Variants in FOCAD observed in about 807,000 individuals in gnomAD.
FOCAD encodes KIAA1797.
Under a neutral mutation model 225.6 loss-of-function variants are expected in FOCAD, and 198 were observed. The ratio of observed to expected loss-of-function variants is 0.88; its 90% CI spans 0.78 to 0.99. The LOEUF (loss-of-function observed/expected upper bound fraction) is 0.99. Ranked by LOEUF, FOCAD falls within the 50% of genes least tolerant of loss-of-function variation. FOCAD has a pLI of 0.00. For missense variants in FOCAD, 2,713 were observed against 2,123.6 expected (o/e 1.28, Z -5.46); for synonymous variants, 897 against 755.0 (o/e 1.19, Z -3.08).
chr9:20,774,736 A>T (rs1466870882), intron 8 of FOCAD, among the ~76,000 whole-genome samples: 1 of 152,164 alleles, frequency 6.6e-6, no homozygotes, highest in Non-Finnish European at 1.5e-5. Flanking sequence ...TTTGATTATA[A>T]TGTAGAGTCA....
intron 10 of FOCAD, among the ~76,000 whole-genome samples, chr9:20,787,225 C>T (rs988949219): frequency 1.3e-5 from 2 of 152,192 alleles, no homozygotes. Context: ...ACTTGAGGTT[C>T]ATGGTAATTT....
intron 8 of FOCAD, among the ~76,000 whole-genome samples, chr9:20,770,725 C>A (rs1011877457): frequency 6.6e-5 from 10 of 152,178 alleles, no homozygotes; most frequent in Non-Finnish European, 1.2e-4. Flanking sequence ...CTGGGTGGAT[C>A]TGCTCATTTA....
intron 36 of FOCAD, among the ~76,000 whole-genome samples, chr9:20,977,385 C>T (rs547496041): frequency 5.6e-4 from 86 of 152,290 alleles, no homozygotes; most frequent in African/African-American, 2.0e-3. Flanking sequence ...ATTCTGCCTA[C>T]CACAGTTATT....
chr9:20,696,820 A>G (rs181364313), intron 1 of FOCAD, among the ~76,000 whole-genome samples: 19 of 151,958 alleles, frequency 1.3e-4, no homozygotes, highest in African/African-American at 4.3e-4. Context: ...TAATAATAAT[A>G]ATAATAATTA....
intron 25 of FOCAD, among the ~76,000 whole-genome samples, chr9:20,924,289 C>A (rs1834738890): frequency 6.6e-6 from 1 of 152,092 alleles, no homozygotes; most frequent in African/African-American, 2.4e-5. Flanking sequence ...TGGATTTATT[C>A]TTGTTTTAAG....
intron 28 of FOCAD, among the ~76,000 whole-genome samples, chr9:20,941,004 C>G (rs565594467): frequency 2.0e-3 from 303 of 152,104 alleles, no homozygotes; most frequent in Non-Finnish European, 3.7e-3. Flanking sequence ...TAACTAGACC[C>G]AGACCTGAAA....
chr9:20,663,692 A>G (rs1821808793), intron 2 of FOCAD, among the ~76,000 whole-genome samples: 1 of 152,180 alleles, frequency 6.6e-6, no homozygotes, highest in Non-Finnish European at 1.5e-5. Context: ...TTCTTGTGTG[A>G]GGAAAACAAT....
intron 11 of FOCAD, among the ~76,000 whole-genome samples, chr9:20,814,790 T>C (rs1823483636): frequency 6.6e-6 from 1 of 152,172 alleles, no homozygotes; most frequent in Non-Finnish European, 1.5e-5. Context: ...ACTACTCTTT[T>C]ACTTCTCCCT....
chr9:20,819,127 T>G (rs1394809985), intron 11 of FOCAD, among the ~76,000 whole-genome samples: 2 of 152,176 alleles, frequency 1.3e-5, no homozygotes, highest in Admixed American at 6.5e-5. Context: ...GTAACCTAAT[T>G]GAATGTTTCA....
At position 20,932,289 on chromosome 9, in the gene FOCAD, G is replaced by C. The variant is rs909677069; in HGVS notation, c.3318-725G>C. Among the ~76,000 whole-genome samples, 5 of 152,124 alleles carry C rather than the reference G, an allele frequency of 3.3e-5. No individual in the cohort carries two copies. The East Asian group carries it at 9.6e-4, about 29-fold the overall frequency. On this transcript the variant is annotated intron_variant, in intron 27 of 43. Transcript: ENST00000338382. Reference sequence around the variant, plus strand: ...TTAAAAAAGTGCTCTCTGCCTGGTTGTCATTCCTGGAGTTACATTCCACTT... The same window carrying C: ...TTAAAAAAGTGCTCTCTGCCTGGTTCTCATTCCTGGAGTTACATTCCACTT...
At chr9:20,691,765 C>A (rs1177761637) in intron 1 of FOCAD, among the ~76,000 whole-genome samples, 1 of 148,538 alleles carries the variant, frequency 6.7e-6, no homozygotes, top group Non-Finnish European at 1.5e-5. Context: ...TAGGCATGAG[C>A]CACCAAGCCC....
intron 2 of FOCAD, among the ~76,000 whole-genome samples, chr9:20,716,486 A>C (rs948105262): frequency 6.6e-6 from 1 of 152,192 alleles, no homozygotes; most frequent in Admixed American, 6.5e-5. Flanking sequence ...TTGTTAGAAG[A>C]TGAAGTGAAA....
chr9:20,701,241 C>A (rs1368326507), intron 1 of FOCAD, among the ~76,000 whole-genome samples: 1 of 152,198 alleles, frequency 6.6e-6, no homozygotes, highest in Non-Finnish European at 1.5e-5. Flanking sequence ...CATGCATTGG[C>A]TTCCTTTTGA....
intron 15 of FOCAD, among the ~76,000 whole-genome samples, chr9:20,848,027 T>C (rs1652470563): frequency 6.6e-6 from 1 of 151,806 alleles, no homozygotes; most frequent in Non-Finnish European, 1.5e-5. Context: ...GTGTAGGAGG[T>C]AAGGGAAAAC....
At chr9:20,657,106 C>T (rs1175276859), upstream of FOCAD, among the ~76,000 whole-genome samples, 2 of 152,074 alleles carry the variant, frequency 1.3e-5, no homozygotes. Flanking sequence ...AATATTGGCC[C>T]CCACTCTCTT....
At chr9:20,873,096 T>G (rs945087775) in intron 18 of FOCAD, among the ~76,000 whole-genome samples, 1 of 152,168 alleles carries the variant, frequency 6.6e-6, no homozygotes, top group Admixed American at 6.6e-5. Context: ...GCATGAATGT[T>G]TTGAGGCTAT....
At chr9:20,923,595 T>G in intron 24 of FOCAD, 65 bp from the exon 25 acceptor site, 1 of 1,256,454 alleles carries the variant, frequency 8.0e-7, no homozygotes, top group South Asian at 1.3e-5. Flanking sequence ...CCTCCTATAT[T>G]AGCTCTTTCT....
intron 23 of FOCAD, 28 bp from the exon 24 acceptor site, chr9:20,916,865 T>G (rs1172061905): frequency 1.3e-6 from 2 of 1,585,770 alleles, no homozygotes; most frequent in African/African-American, 2.7e-5. Flanking sequence ...TAACATAAAC[T>G]CTCGTCTATT....
At chr9:20,773,748 C>T (rs536522483) in intron 8 of FOCAD, among the ~76,000 whole-genome samples, 1 of 152,096 alleles carries the variant, frequency 6.6e-6, no homozygotes, top group East Asian at 1.9e-4. Context: ...AAAGGTCATC[C>T]CCTTTCGTTT....
Sources: gnomAD v4.1 joint callset for allele counts (sites outside exome capture counted in the v4.1 genomes callset) on GRCh38, gnomAD v4.1.1 for gene constraint, MANE v1.5 for transcripts, NCBI Gene and HGNC (gene_info 2026-07-23, HGNC 2026-07-21) for gene names.